ARID1B: variants seen among roughly 807,000 people sequenced by gnomAD.
The protein encoded by ARID1B is AT-rich interaction domain 1B, also known as AT-rich interactive domain-containing protein 1B.
A neutral mutation model predicts 212.3 loss-of-function variants in ARID1B; 30 were observed. The observed-to-expected ratio is 0.14, with a 90% CI of 0.11 to 0.19. The LOEUF (loss-of-function observed/expected upper bound fraction) is 0.19. ARID1B is among the 10% of genes least tolerant of loss of function. The pLI, the probability that ARID1B is intolerant of heterozygous loss-of-function variation, is 1.00. For missense variants in ARID1B, 2,891 were observed against 3,204.0 expected, an observed-to-expected ratio of 0.90 and a Z score of 2.36; for synonymous variants, 1,402 against 1,301.7, an observed-to-expected ratio of 1.08 and a Z score of -1.66.
At chr6:156,904,316 A>G (rs1191268882) in intron 3 of ARID1B, among the ~76,000 whole-genome samples, 1 of 152,244 alleles carries the variant, frequency 6.6e-6, no homozygotes, top group Admixed American at 6.5e-5. Flanking sequence ...GAGCACATAC[A>G]GCAATCCCTC....
chr6:156,816,251 T>C (rs770455793), intron 1 of ARID1B, among the ~76,000 whole-genome samples: 6 of 152,214 alleles, frequency 3.9e-5, no homozygotes, highest in Admixed American at 6.5e-5. Flanking sequence ...ATGCCTGTTA[T>C]AAGTCAGACA....
chr6:157,002,861 A>C (rs1778984047), intron 4 of ARID1B, among the ~76,000 whole-genome samples: 1 of 152,234 alleles, frequency 6.6e-6, no homozygotes, highest in South Asian at 2.1e-4. Context: ...AACAGTGTTA[A>C]TCTTTTCTTA....
chr6:156,815,405 A>C (rs1781895033), intron 1 of ARID1B, among the ~76,000 whole-genome samples: 1 of 152,182 alleles, frequency 6.6e-6, no homozygotes, highest in Non-Finnish European at 1.5e-5. Flanking sequence ...ATTAGCATGA[A>C]ACACTTTGAA....
In ARID1B at chr6:157,198,186, A is replaced by G. The variant is rs142558905; in HGVS notation, c.4383-625A>G. Among the ~76,000 whole-genome samples the G allele has an allele frequency of 8.2e-3, 1,254 of 152,346 alleles. 23 individuals are homozygous for G. The highest frequency in any genetic ancestry group is 0.029 in the African/African-American group (1,185 of 41,570). On this transcript the variant is annotated intron_variant, in intron 16 of 19. Transcript: ENST00000636930. ...TTCCATTTTAAGATGTAATAGGTGT[A>G]CATTTGAATCATCCCTGTTATTCTT...
intron 4 of ARID1B, among the ~76,000 whole-genome samples, chr6:156,966,386 C>CTTTTTTTTTTT (rs1214987532): frequency 1.2e-3 from 48 of 38,894 alleles, no homozygotes; most frequent in Admixed American, 2.8e-3. Flanking sequence ...CTTTTCTTTT[C>CTTTTTTTTTTT]TTTTTTTTTT....
chr6:156,865,311 A>C (rs1217207909), intron 2 of ARID1B, among the ~76,000 whole-genome samples: 1 of 152,226 alleles, frequency 6.6e-6, no homozygotes, highest in East Asian at 1.9e-4. Context: ...TCTTTAAAAT[A>C]AAAGACATTT....
At chr6:157,029,868 C>T (rs112172573) in intron 4 of ARID1B, among the ~76,000 whole-genome samples, 3 of 152,072 alleles carry the variant, frequency 2.0e-5, no homozygotes, top group Non-Finnish European at 2.9e-5. Flanking sequence ...TGGAAGACTT[C>T]GAAGGTTTTA....
intron 4 of ARID1B, among the ~76,000 whole-genome samples, chr6:156,964,256 T>G (rs1460937461): frequency 6.6e-6 from 1 of 152,264 alleles, no homozygotes; most frequent in African/African-American, 2.4e-5. Context: ...ATATGCTGAA[T>G]CAGCTCTTTT....
intron 2 of ARID1B, among the ~76,000 whole-genome samples, chr6:156,864,754 C>A (rs1255815975): frequency 6.6e-6 from 1 of 152,138 alleles, no homozygotes; most frequent in Non-Finnish European, 1.5e-5. Context: ...TCTCACTTGG[C>A]CCTCACCACA....
At chr6:157,060,248 C>T (rs1447828988) in intron 4 of ARID1B, among the ~76,000 whole-genome samples, 3 of 152,166 alleles carry the variant, frequency 2.0e-5, no homozygotes, top group Admixed American at 6.5e-5. Flanking sequence ...CCTCTCAGCT[C>T]TGAATTCAGA....
chr6:157,100,211 T>C (rs541338962), intron 5 of ARID1B, among the ~76,000 whole-genome samples: 1 of 152,306 alleles, frequency 6.6e-6, no homozygotes, highest in Non-Finnish European at 1.5e-5. Flanking sequence ...CAATAAAGAA[T>C]TGTGTTGACA....
intron 1 of ARID1B, among the ~76,000 whole-genome samples, chr6:156,823,091 G>T (rs1782474981): frequency 6.6e-6 from 1 of 152,194 alleles, no homozygotes; most frequent in Non-Finnish European, 1.5e-5. Flanking sequence ...TGTGATCTGT[G>T]TGCATCAGTA....
chr6:156,921,464 C>T (rs1039387987), intron 3 of ARID1B, among the ~76,000 whole-genome samples: 8 of 149,258 alleles, frequency 5.4e-5, no homozygotes, highest in South Asian at 2.1e-4. Flanking sequence ...CACACACACA[C>T]ACACACACAC....
intron 12 of ARID1B, among the ~76,000 whole-genome samples, chr6:157,181,687 G>A (rs944478101): frequency 3.3e-5 from 5 of 152,174 alleles, no homozygotes; most frequent in Non-Finnish European, 7.4e-5. Context: ...TAGGCCTGAG[G>A]TGTGACAGGG....
At position 157,200,507 on chromosome 6, in the gene ARID1B, T is replaced by C. The variant is rs1469312558; in HGVS notation, c.4480-198T>C. On this transcript the variant is annotated intron_variant, in intron 17 of 19. Transcript: ENST00000636930. This position sits in a 1 kb window ranked among gnomAD's most constrained non-coding sequence, Gnocchi z 4.3. The stretch of plus-strand genomic sequence containing the variant: ...ACACGTGAAAACAAACTTTGGATGC[T>C]CTCTCCTCAGTGTGTGACATGGTGT... 1.3e-5 allele frequency among the ~76,000 whole-genome samples: 2 copies of C among 152,110 alleles called. No individual in the cohort carries two copies. Among genetic ancestry groups the C allele is most frequent in the African/African-American group, 4.8e-5 (2 of 41,414 alleles).
chr6:157,114,315 G>A (rs1787161662), intron 6 of ARID1B, among the ~76,000 whole-genome samples: 1 of 152,040 alleles, frequency 6.6e-6, no homozygotes, highest in Middle Eastern at 3.4e-3. Context: ...TTGAGGTCAG[G>A]AGTTCGAGTC....
In ARID1B at chr6:156,955,064, C is replaced by T. The variant is rs1793866130; in HGVS notation, c.2247+19488C>T. Among the ~76,000 whole-genome samples the T allele has an allele frequency of 6.6e-6, 1 of 152,216 alleles. No individual in the cohort carries two copies. The highest frequency in any genetic ancestry group is 1.5e-5 in the Non-Finnish European group (1 of 68,048). ...ACTCTTGCCACTGTGATGGGAGCTG[C>T]TCTGAAGGATACGTCTCATCCATCC... On this transcript the variant is annotated intron_variant, in intron 4 of 19. Coordinates refer to ENST00000636930, the MANE Select transcript of ARID1B (RefSeq NM_001374828.1). The surrounding 1 kb of genome is among the most constrained non-coding windows in gnomAD (Gnocchi z 4.2).
At chr6:157,005,285 C>G (rs2128441165) in intron 4 of ARID1B, among the ~76,000 whole-genome samples, 1 of 152,092 alleles carries the variant, frequency 6.6e-6, no homozygotes, top group East Asian at 1.9e-4. Context: ...TCCTGAGTAG[C>G]TGGGATTACA....
At chr6:156,818,480 G>A (rs1782128103) in intron 1 of ARID1B, among the ~76,000 whole-genome samples, 1 of 152,136 alleles carries the variant, frequency 6.6e-6, no homozygotes, top group African/African-American at 2.4e-5. Flanking sequence ...CTGTCTTTAC[G>A]TAGTGCTCTG....
Sources: gnomAD v4.1 joint callset for allele counts (sites outside exome capture counted in the v4.1 genomes callset) on GRCh38, gnomAD v4.1.1 for gene constraint, Gnocchi (gnomAD v3.1) non-coding constraint, MANE v1.5 for transcripts, NCBI Gene and HGNC (gene_info 2026-07-23, HGNC 2026-07-21) for gene names.